The following TMEM150C variants were observed in gnomAD, a reference collection of about 807,000 sequenced individuals.
TMEM150C encodes the protein tentonin 3.
A neutral mutation model predicts 29.9 loss-of-function variants in TMEM150C; 10 were observed. The observed-to-expected ratio is 0.33, with a 90% CI of 0.21 to 0.57. TMEM150C has a LOEUF of 0.57. Ranked by LOEUF, TMEM150C falls within the 20% of genes least tolerant of loss-of-function variation. TMEM150C has a pLI of 0.88. For synonymous variants in TMEM150C, 101 were observed against 112.5 expected (o/e 0.90, Z 0.64); for missense variants, 251 against 303.6 (o/e 0.83, Z 1.29).
Position 82,519,117 on chromosome 4 carries a change from C to T in TMEM150C, c.-10-14450G>A, listed in dbSNP as rs149879805. Among the ~76,000 whole-genome samples, 17 of 152,270 alleles carry T rather than the reference C, an allele frequency of 1.1e-4. No homozygotes were observed. In the East Asian group the frequency reaches 3.3e-3, roughly 29 times the overall value. ...TGTTAGTCTTCTGGAAAGAGGCAAC[C>T]TGACAGTAAAGAACAGCAATCTGCC... is the stretch of plus-strand genomic sequence containing the variant. On this transcript the variant is annotated intron_variant, in intron 1 of 7. Transcript: ENST00000449862.
At chr4:82,557,738 T>C (rs1423149750) in intron 1 of TMEM150C, among the ~76,000 whole-genome samples, 1 of 149,308 alleles carries the variant, frequency 6.7e-6, no homozygotes, top group Non-Finnish European at 1.5e-5. Context: ...CTTTTTCTTT[T>C]TTTTTTTTTT....
At chr4:82,549,588 T>C (rs1725502951) in intron 1 of TMEM150C, among the ~76,000 whole-genome samples, 1 of 152,182 alleles carries the variant, frequency 6.6e-6, no homozygotes, top group Non-Finnish European at 1.5e-5. Flanking sequence ...CACTTAAAAA[T>C]AGTGAAGGTG....
intron 1 of TMEM150C, among the ~76,000 whole-genome samples, chr4:82,509,210 A>C (rs1724038270): frequency 6.6e-6 from 1 of 152,202 alleles, no homozygotes; most frequent in Non-Finnish European, 1.5e-5. Flanking sequence ...ACTTTGAGTC[A>C]GATGATGAAA....
intron 1 of TMEM150C, among the ~76,000 whole-genome samples, chr4:82,550,768 C>G (rs1289312649): frequency 6.7e-6 from 1 of 149,182 alleles, no homozygotes; most frequent in Non-Finnish European, 1.5e-5. Flanking sequence ...CCAGCCTGGG[C>G]GACAGAGCGA....
At chr4:82,557,914 G>A (rs1725790615) in intron 1 of TMEM150C, among the ~76,000 whole-genome samples, 1 of 151,664 alleles carries the variant, frequency 6.6e-6, no homozygotes, top group Non-Finnish European at 1.5e-5. Flanking sequence ...TGTATTTTTA[G>A]TGGACACAGG....
intron 1 of TMEM150C, among the ~76,000 whole-genome samples, chr4:82,521,600 T>G (rs1386900266): frequency 1.3e-5 from 2 of 152,222 alleles, no homozygotes; most frequent in Non-Finnish European, 2.9e-5. Context: ...GCATTCAAGC[T>G]GGGCCTTGGG....
At chr4:82,492,804 A>AC (rs1723402441) in intron 6 of TMEM150C, among the ~76,000 whole-genome samples, 1 of 139,998 alleles carries the variant, frequency 7.1e-6, no homozygotes, top group African/African-American at 2.7e-5. Flanking sequence ...AAAAAAAAAA[A>AC]AAAAAACAAC....
chr4:82,509,399 A>G (rs1368642422), intron 1 of TMEM150C, among the ~76,000 whole-genome samples: 1 of 152,182 alleles, frequency 6.6e-6, no homozygotes, highest in East Asian at 1.9e-4. Context: ...TTGAAAATGT[A>G]CGATTTTGTG....
At chr4:82,524,115 A>T (rs951577255) in intron 1 of TMEM150C, among the ~76,000 whole-genome samples, 5 of 151,540 alleles carry the variant, frequency 3.3e-5, no homozygotes, top group Non-Finnish European at 5.9e-5. Flanking sequence ...AAAAAAAAAA[A>T]AGGTTAGCAG....
At chr4:82,538,062 A>T (rs1004638203) in intron 1 of TMEM150C, among the ~76,000 whole-genome samples, 1 of 152,028 alleles carries the variant, frequency 6.6e-6, no homozygotes, top group Non-Finnish European at 1.5e-5. Context: ...CATTATTTTT[A>T]TTTTATTTTA....
chr4:82,519,389 T>G (rs1432769055), intron 1 of TMEM150C, among the ~76,000 whole-genome samples: 2 of 151,942 alleles, frequency 1.3e-5, no homozygotes. Context: ...ACTCTATATA[T>G]ACGATGTTCT....
chr4:82,542,410 C>A (rs1052373334), intron 1 of TMEM150C, among the ~76,000 whole-genome samples: 16 of 152,124 alleles, frequency 1.1e-4, no homozygotes, highest in Admixed American at 9.8e-4. Flanking sequence ...TTATATGTGG[C>A]CTTGAATGCC....
intron 1 of TMEM150C, among the ~76,000 whole-genome samples, chr4:82,541,273 A>C (rs1725191798): frequency 6.6e-6 from 1 of 152,148 alleles, no homozygotes; most frequent in African/African-American, 2.4e-5. Context: ...TCAATCTCAT[A>C]ATATGGGTAG....
intron 1 of TMEM150C, among the ~76,000 whole-genome samples, chr4:82,554,438 T>G (rs918104129): frequency 5.3e-5 from 8 of 152,294 alleles, no homozygotes; most frequent in Admixed American, 5.2e-4. Flanking sequence ...ATCAACAGAA[T>G]GAAAATAACT....
intron 1 of TMEM150C, among the ~76,000 whole-genome samples, chr4:82,519,306 T>C (rs1326080919): frequency 5.9e-5 from 9 of 152,214 alleles, no homozygotes; most frequent in African/African-American, 2.4e-5. Flanking sequence ...AATGCTGTAG[T>C]ACCCCCTTAT....
chr4:82,559,072 C>A (rs886592369), intron 1 of TMEM150C, among the ~76,000 whole-genome samples: 1 of 152,132 alleles, frequency 6.6e-6, no homozygotes, highest in Non-Finnish European at 1.5e-5. Context: ...TGAGATCCAC[C>A]CCCTGCCTGC....
intron 1 of TMEM150C, among the ~76,000 whole-genome samples, chr4:82,551,685 A>T (rs1725582326): frequency 6.6e-6 from 1 of 152,026 alleles, no homozygotes; most frequent in Non-Finnish European, 1.5e-5. Flanking sequence ...GCACCACCTG[A>T]TGTCTCTCCC....
chr4:82,553,534 G>T (rs554508941), intron 1 of TMEM150C, among the ~76,000 whole-genome samples: 41 of 152,254 alleles, frequency 2.7e-4, no homozygotes, highest in African/African-American at 8.7e-4. Flanking sequence ...GCATTTTCTG[G>T]CTCTGAGACA....
At position 82,490,082 on chromosome 4, in the gene TMEM150C, T is replaced by C. The variant is rs761369207; in HGVS notation, c.520A>G (p.Ile174Val). The change falls in exon 7 of 8, where the codon ATC becomes GTC. Residue 174 changes from isoleucine to valine, a missense_variant. Transcript: ENST00000449862. ...GIPRVILSAS[I>V]TLCVVLYFIL... ...ATACAGAGGACCACACAGAGAGTGATAGATGCCGACAGAATAACCCGTGGA... is the reference window on the plus strand; with the variant it reads ...ATACAGAGGACCACACAGAGAGTGACAGATGCCGACAGAATAACCCGTGGA... 17 of 1,613,882 alleles carry C rather than the reference T, an allele frequency of 1.1e-5. No individual in the cohort carries two copies. Among genetic ancestry groups the C allele is most frequent in the Admixed American group, 1.7e-5 (1 of 60,010 alleles).
Sources: allele counts gnomAD v4.1 joint callset (sites outside exome capture counted in the v4.1 genomes callset), GRCh38; gene constraint gnomAD v4.1.1; transcripts MANE v1.5; gene names NCBI Gene and HGNC (gene_info 2026-07-23, HGNC 2026-07-21).